The following AMD1 variants were observed in gnomAD, a reference collection of about 807,000 sequenced individuals.
AMD1 encodes S-adenosylmethionine decarboxylase proenzyme.
A neutral mutation model predicts 40.2 loss-of-function variants in AMD1; 11 were observed. The ratio of observed to expected loss-of-function variants is 0.27; its 90% CI spans 0.17 to 0.45. The LOEUF (loss-of-function observed/expected upper bound fraction) is 0.45, where lower values mean the gene tolerates loss of function less well. Ranked by LOEUF, AMD1 falls within the 20% of genes least tolerant of loss-of-function variation. The pLI is 1.00. For missense variants in AMD1, 257 were observed against 410.2 expected (o/e 0.63, Z 3.23); for synonymous variants, 121 against 130.8 (o/e 0.93, Z 0.51).
chr6:110,836,420 T>G, the AMD1 span, among the ~76,000 whole-genome samples: 1 of 152,146 alleles, frequency 6.6e-6, no homozygotes, highest in Non-Finnish European at 1.5e-5. Context: ...AAAAAGATGT[T>G]CATTTATATT....
chr6:110,862,019 CTTTT>C, the AMD1 span, among the ~76,000 whole-genome samples: 1 of 125,460 alleles, frequency 8.0e-6, no homozygotes, highest in African/African-American at 3.0e-5. Context: ...GATTTAAAAT[CTTTT>C]TTTTTTTTTT....
chr6:110,838,713 G>A, the AMD1 span, among the ~76,000 whole-genome samples: 1 of 152,010 alleles, frequency 6.6e-6, no homozygotes, highest in Admixed American at 6.6e-5. Flanking sequence ...ACAAAAATTG[G>A]TCTGGCATGG....
At chr6:110,862,106 A>C in the AMD1 span, among the ~76,000 whole-genome samples, 1 of 145,298 alleles carries the variant, frequency 6.9e-6, no homozygotes, top group Non-Finnish European at 1.5e-5. Context: ...TGCAACCTCC[A>C]CCTCCCAGGT....
At chr6:110,818,532 A>ATATT in the AMD1 span, among the ~76,000 whole-genome samples, 717 of 146,528 alleles carry the variant, frequency 4.9e-3, 10 homozygotes, top group East Asian at 0.045. Context: ...ATTTATATAT[A>ATATT]TATTTATTTA....
chr6:110,888,797 G>A, intron 2 of AMD1, 60 bp from the exon 3 acceptor site: 1 of 1,503,622 alleles, frequency 6.7e-7, no homozygotes, highest in South Asian at 1.3e-5. Flanking sequence ...TAAATTGGTT[G>A]ATTGCACCCT....
At position 110,893,719 on chromosome 6, in the gene AMD1, T is replaced by C. The variant is rs2115316737; in HGVS notation, c.*103T>C. ...GGGCAGTGCTTTCCATAACCACCAC[T>C]GTGTAGTTGCAGAAAGCCCTAGATG... On this transcript the variant is annotated 3_prime_UTR_variant, in exon 9 of 9. Transcript: ENST00000368885. 2 of 1,304,570 alleles carry C rather than the reference T, an allele frequency of 1.5e-6. No individual in the cohort carries two copies. The highest frequency in any genetic ancestry group is 2.1e-6 in the Non-Finnish European group (2 of 951,102). The allele number at this position is 1,304,570 out of a possible 1,614,324, so 80.8% of individuals were successfully genotyped here. A position where few individuals can be genotyped will look rare whatever the true frequency, so the allele number is the denominator to read the frequency against.
At chr6:110,892,051 T>A in intron 4 of AMD1, 110 bp from the exon 5 acceptor site, 1 of 1,289,738 alleles carries the variant, frequency 7.8e-7, no homozygotes, top group Non-Finnish European at 1.1e-6. Flanking sequence ...ATGGATGACA[T>A]TTCTAATAAG....
chr6:110,890,039 C>G, intron 3 of AMD1: 1 of 451,456 alleles, frequency 2.2e-6, no homozygotes, highest in Non-Finnish European at 3.9e-6. Context: ...GATGGGGCCT[C>G]AGTATGTTGC....
chr6:110,888,737 C>T (rs1785846592), intron 2 of AMD1, 120 bp from the exon 3 acceptor site: 3 of 971,456 alleles, frequency 3.1e-6, no homozygotes, highest in Non-Finnish European at 3.0e-6. Context: ...TTACTTGCTT[C>T]CTTGAGATCC....
chr6:110,875,892 C>T (rs1379252473), intron 1 of AMD1, among the ~76,000 whole-genome samples: 1 of 152,054 alleles, frequency 6.6e-6, no homozygotes, highest in Non-Finnish European at 1.5e-5. Flanking sequence ...CTTTTCGGGG[C>T]GGCTGGGCAG....
At chr6:110,817,475 AGCAT>A in the AMD1 span, among the ~76,000 whole-genome samples, 236 of 152,194 alleles carry the variant, frequency 1.6e-3, no homozygotes, top group Non-Finnish European at 3.0e-3. Flanking sequence ...CAGGTGTGGT[AGCAT>A]GTGTCTGTAG....
chr6:110,869,882 T>C (rs868494011), upstream of AMD1, among the ~76,000 whole-genome samples: 5 of 152,208 alleles, frequency 3.3e-5, no homozygotes, highest in Non-Finnish European at 5.9e-5. Context: ...AAAACTTGCA[T>C]TGACATTAGA....
At chr6:110,824,431 G>A in the AMD1 span, among the ~76,000 whole-genome samples, 1 of 152,120 alleles carries the variant, frequency 6.6e-6, no homozygotes, top group Non-Finnish European at 1.5e-5. Context: ...AAGGGAGGGT[G>A]AGAGAGGATT....
At chr6:110,878,395 C>G (rs1283976481) in intron 1 of AMD1, among the ~76,000 whole-genome samples, 1 of 152,142 alleles carries the variant, frequency 6.6e-6, no homozygotes, top group Non-Finnish European at 1.5e-5. Flanking sequence ...CTGCTTCCCT[C>G]TTGTAGACCA....
chr6:110,890,173 A>G (rs746121282), intron 3 of AMD1, 81 bp from the exon 4 acceptor site: 18 of 1,072,892 alleles, frequency 1.7e-5, no homozygotes, highest in Admixed American at 2.8e-5. Context: ...TATGTGGACA[A>G]TAGTTGATTA....
chr6:110,840,054 T>C, the AMD1 span, among the ~76,000 whole-genome samples: 1 of 148,942 alleles, frequency 6.7e-6, no homozygotes, highest in African/African-American at 2.5e-5. Context: ...GTTTCCCTCT[T>C]GTTATCCAGT....
the AMD1 span, among the ~76,000 whole-genome samples, chr6:110,860,838 CACACA>C: frequency 7.1e-6 from 1 of 141,446 alleles, no homozygotes. Context: ...CCCACCCACA[CACACA>C]CACACACACA....
chr6:110,875,025 A>AGCGGCG lies in AMD1; in HGVS notation c.-75_-70dup. 9.2e-7 allele frequency: 1 copy of AGCGGCG among 1,081,300 alleles called. No homozygotes were observed. The highest frequency in any genetic ancestry group is 1.3e-5 in the South Asian group (1 of 75,008). 67.0% of individuals were successfully genotyped at this position (1,081,300 alleles called of 1,614,324 possible). ...TAGTAACACAGCTGGAACAATCCGC[A>AGCGGCG]GCGGCGGCGGCAGCGGCGGGAGAAG... On this transcript the variant is annotated 5_prime_UTR_variant, in exon 1 of 9. Transcript: ENST00000368885.
the AMD1 span, among the ~76,000 whole-genome samples, chr6:110,836,345 A>G: frequency 6.6e-6 from 1 of 152,162 alleles, no homozygotes; most frequent in Non-Finnish European, 1.5e-5. Context: ...ATAATAATAT[A>G]ACCTTTCAGT....
Sources: gnomAD v4.1 joint callset for allele counts (sites outside exome capture counted in the v4.1 genomes callset) on GRCh38, gnomAD v4.1.1 for gene constraint, MANE v1.5 for transcripts, NCBI Gene and HGNC (gene_info 2026-07-23, HGNC 2026-07-21) for gene names.